GLIS3: variants seen among roughly 807,000 people sequenced by gnomAD.
GLIS3 encodes the protein zinc finger protein GLIS3.
GLIS3 carries 53 observed loss-of-function variants against 78.6 expected under a neutral mutation model. That is an observed-to-expected ratio of 0.67 (90% CI 0.54 to 0.85). GLIS3 has a LOEUF of 0.85. GLIS3 is among the 40% of genes least tolerant of loss of function. GLIS3 has a pLI of 0.00. For synonymous variants in GLIS3, 684 were observed against 509.9 expected, an observed-to-expected ratio of 1.34 and a Z score of -4.60; for missense variants, 1,703 against 1,231.1, an observed-to-expected ratio of 1.38 and a Z score of -5.74.
At chr9:4,324,677 T>C (rs1817577581) in intron 2 of GLIS3, among the ~76,000 whole-genome samples, 1 of 152,160 alleles carries the variant, frequency 6.6e-6, no homozygotes, top group South Asian at 2.1e-4. Context: ...TTCAAATAAA[T>C]CACTAAGAAA....
At chr9:4,210,654 T>C (rs995870568) in intron 2 of GLIS3, among the ~76,000 whole-genome samples, 1 of 152,250 alleles carries the variant, frequency 6.6e-6, no homozygotes, top group African/African-American at 2.4e-5. Flanking sequence ...CAAGGCTTTC[T>C]GGGAAATGAC....
chr9:4,279,996 T>A (rs939971478), intron 2 of GLIS3, among the ~76,000 whole-genome samples: 2 of 152,076 alleles, frequency 1.3e-5, no homozygotes, highest in African/African-American at 4.8e-5. Context: ...TAAAAAATAA[T>A]ATAAAATTGA....
At position 4,118,983 on chromosome 9, in the gene GLIS3, G is replaced by T; in HGVS notation, c.597-102C>A. 8.2e-7 allele frequency: 1 copy of T among 1,226,122 alleles called. No individual in the cohort carries two copies. Among genetic ancestry groups the T allele is most frequent in the South Asian group, 1.3e-5 (1 of 76,318 alleles). The allele number at this position is 1,226,122 out of a possible 1,614,324, so 76.0% of individuals were successfully genotyped here. On this transcript the variant is annotated intron_variant, in intron 3 of 10. Transcript: ENST00000381971. This position sits in a 1 kb window ranked among gnomAD's most constrained non-coding sequence, Gnocchi z 4.7. ...GAACACTGCATTGACAATCCCTTAA[G>T]TATTTCCCCTAATTACATTCTGTGC...
At chr9:4,216,595 G>A (rs1820872694) in intron 2 of GLIS3, among the ~76,000 whole-genome samples, 1 of 152,098 alleles carries the variant, frequency 6.6e-6, no homozygotes, top group Non-Finnish European at 1.5e-5. Flanking sequence ...AGGAAGGTTG[G>A]GGAAAGCCAA....
At chr9:4,163,105 T>C (rs1488133243) in intron 2 of GLIS3, among the ~76,000 whole-genome samples, 2 of 151,968 alleles carry the variant, frequency 1.3e-5, no homozygotes, top group Non-Finnish European at 2.9e-5. Context: ...CACTAGAAAA[T>C]AAAGAAACTC....
At chr9:4,406,781 T>C in the GLIS3 span, among the ~76,000 whole-genome samples, 1 of 152,044 alleles carries the variant, frequency 6.6e-6, no homozygotes, top group Non-Finnish European at 1.5e-5. Flanking sequence ...AAAACACTCA[T>C]GAAAGAAATT....
At chr9:4,457,967 G>C in the GLIS3 span, among the ~76,000 whole-genome samples, 216 of 152,040 alleles carry the variant, frequency 1.4e-3, no homozygotes, top group African/African-American at 4.9e-3. Flanking sequence ...TACTTGTTAG[G>C]ACCACGTTAG....
At chr9:4,135,156 C>A (rs568227103) in intron 2 of GLIS3, among the ~76,000 whole-genome samples, 1 of 152,178 alleles carries the variant, frequency 6.6e-6, no homozygotes, top group South Asian at 2.1e-4. Flanking sequence ...CATGTCAAAG[C>A]GTTGTCTAGA....
chr9:4,115,408 G>C (rs1414835464), intron 4 of GLIS3, among the ~76,000 whole-genome samples: 3 of 152,108 alleles, frequency 2.0e-5, no homozygotes, highest in Non-Finnish European at 2.9e-5. Context: ...ACTACCATCA[G>C]ATTTGAAGTC....
At chr9:4,262,959 C>T (rs185368687) in intron 2 of GLIS3, among the ~76,000 whole-genome samples, 4,091 of 151,064 alleles carry the variant, frequency 0.027, 92 homozygotes, top group South Asian at 0.082. Context: ...AAAAAAAATC[C>T]CACAGCCTCT....
chr9:3,886,859 C>G (rs1042989896), intron 7 of GLIS3, among the ~76,000 whole-genome samples: 1 of 152,142 alleles, frequency 6.6e-6, no homozygotes, highest in Non-Finnish European at 1.5e-5. Flanking sequence ...AATTGGAGAA[C>G]GAGAGAGAGG....
At chr9:4,478,164 TG>T in the GLIS3 span, among the ~76,000 whole-genome samples, 1 of 152,186 alleles carries the variant, frequency 6.6e-6, no homozygotes, top group Non-Finnish European at 1.5e-5. Flanking sequence ...AACAAGTGGT[TG>T]TTTAAAAAAC....
At chr9:3,905,626 A>G (rs1823645411) in intron 6 of GLIS3, among the ~76,000 whole-genome samples, 1 of 152,084 alleles carries the variant, frequency 6.6e-6, no homozygotes, top group Non-Finnish European at 1.5e-5. Flanking sequence ...GCACACACAC[A>G]GTGGTCCCAG....
At position 3,920,252 on chromosome 9, in the gene GLIS3, C is replaced by T. The variant is rs1338409108; in HGVS notation, c.1983+12108G>A. ...TCTCCTGACCTCGTGATCCACCCGC[C>T]TCGGCCTCCCAAAATGCTGGGATTA... On this transcript the variant is annotated intron_variant, in intron 6 of 10. Transcript: ENST00000381971. Among the ~76,000 whole-genome samples, 4 of 152,152 alleles carry T rather than the reference C, an allele frequency of 2.6e-5. No homozygotes were observed. In the East Asian group the frequency reaches 7.7e-4, roughly 29 times the overall value.
intron 4 of GLIS3, among the ~76,000 whole-genome samples, chr9:4,075,098 AC>A (rs398113166): frequency 5.0e-5 from 2 of 39,756 alleles, no homozygotes; most frequent in Admixed American, 7.9e-4. Flanking sequence ...ATGAACAACA[AC>A]ACAACAACAA....
At chr9:3,930,752 T>C (rs1321974631) in intron 6 of GLIS3, among the ~76,000 whole-genome samples, 1 of 152,232 alleles carries the variant, frequency 6.6e-6, no homozygotes, top group Non-Finnish European at 1.5e-5. Flanking sequence ...GATTTACTAT[T>C]ACAATAAAAC....
intron 4 of GLIS3, among the ~76,000 whole-genome samples, chr9:3,940,622 T>C (rs477188): frequency 0.073 from 11,139 of 151,928 alleles, 538 homozygotes; most frequent in African/African-American, 0.13. Flanking sequence ...ACAGACTACA[T>C]ACAGGAAAAC....
the GLIS3 span, among the ~76,000 whole-genome samples, chr9:4,359,848 G>A: frequency 4.0e-5 from 6 of 151,868 alleles, no homozygotes; most frequent in African/African-American, 1.5e-4. Context: ...ATAAAAGCGG[G>A]CACCAATATA....
intron 2 of GLIS3, chr9:4,285,824 G>A: frequency 3.3e-6 from 2 of 613,874 alleles, no homozygotes; most frequent in South Asian, 3.8e-5. Context: ...CACAGTCCCA[G>A]GAGATGTCTC....
Sources: gnomAD v4.1 joint callset for allele counts (sites outside exome capture counted in the v4.1 genomes callset) on GRCh38, gnomAD v4.1.1 for gene constraint, Gnocchi (gnomAD v3.1) non-coding constraint, MANE v1.5 for transcripts, NCBI Gene and HGNC (gene_info 2026-07-23, HGNC 2026-07-21) for gene names.